Variants in HSD17B13 observed in about 807,000 individuals in gnomAD.
The protein encoded by HSD17B13 is 17-beta-hydroxysteroid dehydrogenase 13.
A neutral mutation model predicts 31.1 loss-of-function variants in HSD17B13; 26 were observed. That is an observed-to-expected ratio of 0.84 (90% CI 0.61 to 1.16). The LOEUF (loss-of-function observed/expected upper bound fraction) is 1.16. Ranked by LOEUF, HSD17B13 falls within the 50% of genes most tolerant of loss-of-function variation. The pLI is 0.00. For missense variants in HSD17B13, 374 were observed against 366.5 expected (o/e 1.02, Z -0.17); for synonymous variants, 141 against 133.7 (o/e 1.05, Z -0.38).
chr4:87,313,796 C>G (rs1342780097), intron 5 of HSD17B13, 27 bp downstream of exon 5: 7 of 1,598,286 alleles, frequency 4.4e-6, no homozygotes, highest in Non-Finnish European at 6.0e-6. Context: ...ATACCACATA[C>G]CCATTCTAAC....
intron 6 of HSD17B13, among the ~76,000 whole-genome samples, chr4:87,307,042 G>A (rs1319509485): frequency 2.7e-5 from 4 of 150,842 alleles, no homozygotes. Context: ...TTACTTCCTT[G>A]TTTTGGGGGT....
chr4:87,322,354 A>G (rs930679358), intron 1 of HSD17B13, among the ~76,000 whole-genome samples: 7 of 152,204 alleles, frequency 4.6e-5, no homozygotes, highest in African/African-American at 1.7e-4. Context: ...AAACAGGCTG[A>G]GAGATAATAT....
At chr4:87,314,173 A>G (rs1269669224) in intron 4 of HSD17B13, among the ~76,000 whole-genome samples, 1 of 151,824 alleles carries the variant, frequency 6.6e-6, no homozygotes, top group Non-Finnish European at 1.5e-5. Flanking sequence ...AACAACAATG[A>G]TAACAAAAGA....
chr4:87,318,982 A>G (rs968452355), intron 1 of HSD17B13, among the ~76,000 whole-genome samples: 1 of 151,856 alleles, frequency 6.6e-6, no homozygotes, highest in Non-Finnish European at 1.5e-5. Flanking sequence ...GGAGTTTGAG[A>G]CCAGTCTGGC....
intron 5 of HSD17B13, among the ~76,000 whole-genome samples, chr4:87,313,106 A>G (rs992344621): frequency 6.6e-6 from 1 of 151,994 alleles, no homozygotes; most frequent in African/African-American, 2.4e-5. Flanking sequence ...TCTTTAGTCA[A>G]CAGTACCTAT....
intron 6 of HSD17B13, among the ~76,000 whole-genome samples, chr4:87,305,760 AG>A (rs1560745216): frequency 6.6e-6 from 1 of 152,162 alleles, no homozygotes; most frequent in African/African-American, 2.4e-5. Flanking sequence ...CTATTTTGTC[AG>A]GCTTCTGCTG....
At chr4:87,315,155 G>A (rs1734622107) in intron 4 of HSD17B13, among the ~76,000 whole-genome samples, 1 of 151,880 alleles carries the variant, frequency 6.6e-6, no homozygotes, top group Admixed American at 6.6e-5. Context: ...TGTACACTGA[G>A]TAAACGACTC....
At chr4:87,314,387 CCT>C (rs138722914) in intron 4 of HSD17B13, among the ~76,000 whole-genome samples, 2 of 151,968 alleles carry the variant, frequency 1.3e-5, no homozygotes, top group African/African-American at 4.8e-5. Context: ...GCTCATTTCT[CCT>C]CTCTCTCTCA....
intron 1 of HSD17B13, among the ~76,000 whole-genome samples, chr4:87,321,687 T>G (rs1734789799): frequency 6.6e-6 from 1 of 152,222 alleles, no homozygotes. Flanking sequence ...TAGTAGCTTT[T>G]TTGTATAGTA....
intron 6 of HSD17B13, among the ~76,000 whole-genome samples, chr4:87,306,765 G>C (rs1734396785): frequency 6.6e-6 from 1 of 151,926 alleles, no homozygotes; most frequent in Non-Finnish European, 1.5e-5. Context: ...AAACTAGCCA[G>C]GTGTGGTGGC....
intron 1 of HSD17B13, among the ~76,000 whole-genome samples, chr4:87,320,286 C>T (rs564847170): frequency 1.3e-5 from 2 of 152,230 alleles, no homozygotes; most frequent in African/African-American, 2.4e-5. Context: ...TTGCACAAAC[C>T]ACACCATACT....
At position 87,304,318 on chromosome 4, in the gene HSD17B13, AAAAACAAAAC is replaced by A. The variant is rs373629300; in HGVS notation, c.*890_*899del. 3.2e-5 allele frequency: 5 copies of A among 156,566 alleles called. No individual in the cohort carries two copies. Among genetic ancestry groups the A allele is most frequent in the African/African-American group, 1.2e-4 (5 of 41,482 alleles). 9.7% of individuals were successfully genotyped at this position (156,566 alleles called of 1,614,324 possible). A position where few individuals can be genotyped will look rare whatever the true frequency, so the allele number is the denominator to read the frequency against. ...AGTGAGACTCCATCTCAAAAAAACA[AAAAACAAAAC>A]AAAACAAAACAAAAACCAAAAAACC... On this transcript the variant is annotated 3_prime_UTR_variant, in exon 7 of 7. Coordinates refer to ENST00000328546, the MANE Select transcript of HSD17B13 (RefSeq NM_178135.5).
In HSD17B13 at chr4:87,305,293, G is replaced by C. The variant is rs934586625; in HGVS notation, c.828C>G (p.Arg276=). The C allele has an allele frequency of 6.2e-7, 1 of 1,601,698 alleles. No homozygotes were observed. Among genetic ancestry groups the C allele is most frequent in the Admixed American group, 1.7e-5 (1 of 58,750 alleles). ...FLRLQKFLPE[R]ASAILNRMQN... ...GCATACGATTTAAAATCGCTGAGGC[G>C]CGTTCAGGAAGAAACCTGTACAAAA... is the stretch of plus-strand genomic sequence containing the variant. Residue 276 remains arginine (R), a synonymous_variant, in exon 7 of 7, where the codon CGC becomes CGG. Transcript: ENST00000328546.
chr4:87,310,128 G>T, intron 6 of HSD17B13, 115 bp downstream of exon 6: 1 of 1,315,074 alleles, frequency 7.6e-7, no homozygotes, highest in Non-Finnish European at 9.9e-7. Context: ...TCATGCCACT[G>T]CAACCACCGC....
chr4:87,308,925 A>G (rs1420685245), intron 6 of HSD17B13, among the ~76,000 whole-genome samples: 2 of 113,070 alleles, frequency 1.8e-5, no homozygotes, highest in Admixed American at 8.6e-5. Flanking sequence ...GAGGCCCAGG[A>G]ATCTACCAAA....
At chr4:87,312,297 G>A (rs1437565663) in intron 5 of HSD17B13, among the ~76,000 whole-genome samples, 4 of 152,034 alleles carry the variant, frequency 2.6e-5, no homozygotes, top group African/African-American at 7.2e-5. Flanking sequence ...AAGAAGCCAC[G>A]TTTACTCACT....
intron 6 of HSD17B13, 106 bp from the exon 7 acceptor site, chr4:87,305,414 G>T (rs1181159508): frequency 6.9e-6 from 4 of 583,512 alleles, no homozygotes; most frequent in African/African-American, 3.9e-5. Context: ...TCTGGTTTGC[G>T]TTTAACTTTC....
chr4:87,318,967 G>C (rs538448436), intron 1 of HSD17B13, among the ~76,000 whole-genome samples: 1 of 152,080 alleles, frequency 6.6e-6, no homozygotes, highest in African/African-American at 2.4e-5. Context: ...GATCACTTGA[G>C]GTCAGGAGTT....
intron 5 of HSD17B13, among the ~76,000 whole-genome samples, chr4:87,312,957 G>A (rs948180071): frequency 1.5e-4 from 23 of 150,470 alleles, no homozygotes; most frequent in Non-Finnish European, 3.4e-4. Flanking sequence ...TACTCAGGAG[G>A]CTGAGGAAGG....
Sources: allele counts gnomAD v4.1 joint callset (sites outside exome capture counted in the v4.1 genomes callset), GRCh38; gene constraint gnomAD v4.1.1; transcripts MANE v1.5; gene names NCBI Gene and HGNC (gene_info 2026-07-23, HGNC 2026-07-21).